Variants in UBE2V2 observed in about 807,000 individuals in gnomAD.
UBE2V2 encodes the protein ubiquitin-conjugating enzyme E2 variant 2.
A neutral mutation model predicts 17.2 loss-of-function variants in UBE2V2; 9 were observed. The observed-to-expected ratio is 0.52, with a 90% CI of 0.32 to 0.91. UBE2V2 has a LOEUF of 0.91. Ranked by LOEUF, UBE2V2 falls within the 40% of genes least tolerant of loss-of-function variation. The probability of loss-of-function intolerance (pLI) is 0.04; values close to 1 mark genes in which losing one functional copy is unlikely to be tolerated. For synonymous variants in UBE2V2, 61 were observed against 57.5 expected (o/e 1.06, Z -0.28); for missense variants, 133 against 182.6 (o/e 0.73, Z 1.56).
At chr8:48,008,316 G>T (rs907128903), upstream of UBE2V2, 5 of 1,192,360 alleles carry the variant, frequency 4.2e-6, no homozygotes, top group African/African-American at 4.9e-5. Flanking sequence ...CTCGGCCCAC[G>T]TGCGCGCTGT....
intron 3 of UBE2V2, among the ~76,000 whole-genome samples, chr8:48,058,425 C>A: frequency 6.7e-6 from 1 of 150,166 alleles, no homozygotes; most frequent in Non-Finnish European, 1.5e-5. Flanking sequence ...TGAAAGTAGC[C>A]GGGCCTGTGG....
intron 3 of UBE2V2, among the ~76,000 whole-genome samples, chr8:48,055,493 G>T (rs1232045703): frequency 1.3e-5 from 2 of 151,794 alleles, no homozygotes; most frequent in African/African-American, 4.8e-5. Flanking sequence ...GAGCCATTGC[G>T]CCTGCTGTTA....
intron 1 of UBE2V2, among the ~76,000 whole-genome samples, chr8:48,037,983 A>G (rs77498799): frequency 0.015 from 2,237 of 152,286 alleles, 63 homozygotes; most frequent in African/African-American, 0.05. Flanking sequence ...GTGCCCTTCC[A>G]GGCCATTTCT....
At chr8:48,018,444 CA>C (rs2091284200) in intron 1 of UBE2V2, among the ~76,000 whole-genome samples, 1 of 151,922 alleles carries the variant, frequency 6.6e-6, no homozygotes, top group Non-Finnish European at 1.5e-5. Context: ...GTTTAACTTC[CA>C]TGTTTTTGTG....
intron 1 of UBE2V2, among the ~76,000 whole-genome samples, chr8:48,024,636 C>CA (rs1395433161): frequency 6.6e-6 from 1 of 151,732 alleles, no homozygotes; most frequent in African/African-American, 2.4e-5. Flanking sequence ...GCTTCTGTAT[C>CA]ACACTGTATC....
chr8:48,012,508 C>T (rs1258874775), intron 1 of UBE2V2, among the ~76,000 whole-genome samples: 2 of 151,992 alleles, frequency 1.3e-5, no homozygotes, highest in African/African-American at 2.4e-5. Context: ...TACCTGAGGT[C>T]GGGAGGTTGA....
At chr8:48,039,824 C>T (rs908772040) in intron 1 of UBE2V2, among the ~76,000 whole-genome samples, 46 of 152,154 alleles carry the variant, frequency 3.0e-4, no homozygotes, top group Non-Finnish European at 5.9e-4. Flanking sequence ...TCTTGACCTC[C>T]CTGGGCTCAG....
intron 1 of UBE2V2, among the ~76,000 whole-genome samples, chr8:48,009,105 A>G (rs181284676): frequency 4.2e-4 from 64 of 152,202 alleles, no homozygotes; most frequent in Non-Finnish European, 7.1e-4. Context: ...AAGCTGTTCA[A>G]CTCCTCTTTC....
At chr8:48,002,169 C>T in the UBE2V2 span, among the ~76,000 whole-genome samples, 3 of 151,954 alleles carry the variant, frequency 2.0e-5, no homozygotes, top group Non-Finnish European at 2.9e-5. Flanking sequence ...AATTAAAGGT[C>T]GTACCTCTTA....
At chr8:48,014,482 A>G (rs1395194467) in intron 1 of UBE2V2, among the ~76,000 whole-genome samples, 2 of 151,556 alleles carry the variant, frequency 1.3e-5, no homozygotes, top group African/African-American at 2.4e-5. Context: ...TATCTCTACT[A>G]AAAATACAAA....
intron 3 of UBE2V2, among the ~76,000 whole-genome samples, chr8:48,058,296 G>GT (rs1383944661): frequency 6.6e-6 from 1 of 152,016 alleles, no homozygotes; most frequent in Non-Finnish European, 1.5e-5. Context: ...GTGAAACCCT[G>GT]TGTCTACTAA....
chr8:48,035,631 TTG>T lies in UBE2V2; in HGVS notation c.17-7374_17-7373del, dbSNP rs201716659. 7.7e-3 allele frequency among the ~76,000 whole-genome samples: 842 copies of T among 109,460 alleles called. 13 individuals are homozygous for T. Among genetic ancestry groups the T allele is most frequent in the Non-Finnish European group, 0.011 (615 of 56,682 alleles). 71.8% of individuals were successfully genotyped at this position (109,460 alleles called of 152,430 possible). On this transcript the variant is annotated intron_variant, in intron 1 of 3. Transcript: ENST00000523111. Reference sequence around the variant, plus strand: ...TTTAAAAATTATTGTTTTTTTTTTTTTGTGTGTGTGTGTGTGTGTGTGTGTGT... The same window carrying T: ...TTTAAAAATTATTGTTTTTTTTTTTTTGTGTGTGTGTGTGTGTGTGTGTGT...
At chr8:48,047,779 C>G (rs2091509426) in intron 2 of UBE2V2, among the ~76,000 whole-genome samples, 1 of 152,048 alleles carries the variant, frequency 6.6e-6, no homozygotes, top group South Asian at 2.1e-4. Flanking sequence ...AACTCCTGAC[C>G]TCAGGCAGTC....
intron 2 of UBE2V2, among the ~76,000 whole-genome samples, chr8:48,049,082 A>G (rs2091518655): frequency 6.6e-6 from 1 of 152,168 alleles, no homozygotes; most frequent in Admixed American, 6.6e-5. Flanking sequence ...GCATGAAAAT[A>G]AGCCCTGGAT....
chr8:48,051,099 G>C (rs930277736), intron 3 of UBE2V2, among the ~76,000 whole-genome samples: 10 of 152,120 alleles, frequency 6.6e-5, no homozygotes, highest in African/African-American at 2.4e-4. Flanking sequence ...TGCCCACCTT[G>C]GCCTCCCAAA....
intron 1 of UBE2V2, 41 bp downstream of exon 1, chr8:48,008,511 C>G (rs752606158): frequency 6.4e-7 from 1 of 1,552,790 alleles, no homozygotes; most frequent in South Asian, 1.2e-5. Context: ...CCGCTCCGAC[C>G]CGGCTCTGCC....
intron 3 of UBE2V2, among the ~76,000 whole-genome samples, chr8:48,055,719 C>T (rs1174765357): frequency 1.3e-5 from 2 of 151,796 alleles, no homozygotes; most frequent in African/African-American, 4.8e-5. Context: ...TTGTCATTTC[C>T]CATCCCATCT....
intron 3 of UBE2V2, among the ~76,000 whole-genome samples, chr8:48,051,718 G>T (rs1261612887): frequency 6.6e-6 from 1 of 152,064 alleles, no homozygotes; most frequent in Non-Finnish European, 1.5e-5. Flanking sequence ...CCAGCTCCCT[G>T]CCCCTCAACC....
chr8:48,005,481 A>C (rs1193310311), upstream of UBE2V2, among the ~76,000 whole-genome samples: 1 of 151,962 alleles, frequency 6.6e-6, no homozygotes, highest in African/African-American at 2.4e-5. Flanking sequence ...ATAAATATAC[A>C]TGTGCATGTG....
Sources: gnomAD v4.1 joint callset for allele counts (sites outside exome capture counted in the v4.1 genomes callset) on GRCh38, gnomAD v4.1.1 for gene constraint, MANE v1.5 for transcripts, NCBI Gene and HGNC (gene_info 2026-07-23, HGNC 2026-07-21) for gene names.